The following CSGALNACT1 variants were observed in gnomAD, a reference collection of about 807,000 sequenced individuals.
The protein encoded by CSGALNACT1 is beta4GalNAcT-1.
Under a neutral mutation model 51.0 loss-of-function variants are expected in CSGALNACT1, and 52 were observed. The observed-to-expected ratio is 1.02, with a 90% CI of 0.82 to 1.29. CSGALNACT1 has a LOEUF of 1.29. Among genes scored for constraint, CSGALNACT1 ranks in the 50% most tolerant of loss-of-function variants. CSGALNACT1 has a pLI of 0.00. For synonymous variants in CSGALNACT1, 341 were observed against 254.4 expected (o/e 1.34, Z -3.24); for missense variants, 935 against 679.2 (o/e 1.38, Z -4.19).
intron 2 of CSGALNACT1, among the ~76,000 whole-genome samples, chr8:19,599,073 G>T (rs1317246354): frequency 6.6e-6 from 1 of 151,968 alleles, no homozygotes; most frequent in East Asian, 1.9e-4. Context: ...CTGGGGAGGA[G>T]TGAGCAGAAG....
At chr8:19,753,643 G>C (rs940928317) in intron 1 of CSGALNACT1, among the ~76,000 whole-genome samples, 1 of 152,088 alleles carries the variant, frequency 6.6e-6, no homozygotes, top group African/African-American at 2.4e-5. Context: ...CAAGTAGCTG[G>C]GACCACCACA....
At chr8:19,593,176 G>A (rs1359979954) in intron 2 of CSGALNACT1, among the ~76,000 whole-genome samples, 14 of 152,194 alleles carry the variant, frequency 9.2e-5, no homozygotes, top group Non-Finnish European at 1.5e-5. Context: ...TCAGAAATAC[G>A]TGGGCTTAAT....
chr8:19,435,609 T>C (rs978179935), intron 6 of CSGALNACT1, among the ~76,000 whole-genome samples: 6 of 152,138 alleles, frequency 3.9e-5, no homozygotes, highest in Non-Finnish European at 7.4e-5. Context: ...AGTTCAGTGA[T>C]GGTTCCCAGG....
chr8:19,469,983 G>T (rs1398588955), intron 4 of CSGALNACT1, among the ~76,000 whole-genome samples: 3 of 152,026 alleles, frequency 2.0e-5, no homozygotes, highest in Non-Finnish European at 4.4e-5. Context: ...AATGCAATAG[G>T]GTAGAAATCA....
intron 5 of CSGALNACT1, among the ~76,000 whole-genome samples, chr8:19,442,530 C>T (rs537768166): frequency 3.9e-4 from 53 of 137,602 alleles, no homozygotes; most frequent in South Asian, 3.4e-3. Context: ...TGAGAACACA[C>T]GGACACAGGA....
At chr8:19,414,639 T>C (rs1036408966) in intron 8 of CSGALNACT1, among the ~76,000 whole-genome samples, 1 of 152,162 alleles carries the variant, frequency 6.6e-6, no homozygotes, top group Admixed American at 6.5e-5. Context: ...GGTTTCTTGC[T>C]TTTGTCTGCA....
chr8:19,751,811 C>G (rs1222443535), intron 1 of CSGALNACT1, among the ~76,000 whole-genome samples: 1 of 151,970 alleles, frequency 6.6e-6, no homozygotes, highest in Non-Finnish European at 1.5e-5. Context: ...GATGTGCTTG[C>G]CTCTCCTTCA....
intron 3 of CSGALNACT1, among the ~76,000 whole-genome samples, chr8:19,529,510 A>G (rs924092666): frequency 2.0e-5 from 3 of 152,216 alleles, no homozygotes; most frequent in Non-Finnish European, 4.4e-5. Context: ...TGGGCTCTTA[A>G]TAACATTTCA....
At chr8:19,657,906 T>C (rs1007796410) in intron 1 of CSGALNACT1, among the ~76,000 whole-genome samples, 2 of 152,088 alleles carry the variant, frequency 1.3e-5, no homozygotes, top group African/African-American at 4.8e-5. Context: ...CATTGTTAGA[T>C]GGCCTGGGGG....
intron 9 of CSGALNACT1, among the ~76,000 whole-genome samples, chr8:19,406,840 C>G (rs535580622): frequency 3.3e-5 from 5 of 152,080 alleles, no homozygotes; most frequent in African/African-American, 9.7e-5. Flanking sequence ...TCCCAAGTAG[C>G]TAGGACAACA....
At chr8:19,469,949 A>C (rs1176595923) in intron 4 of CSGALNACT1, among the ~76,000 whole-genome samples, 1 of 152,206 alleles carries the variant, frequency 6.6e-6, no homozygotes, top group Non-Finnish European at 1.5e-5. Flanking sequence ...AAGAAAGGGA[A>C]GGTGCTTGGC....
rs145429171 is a variant in CSGALNACT1, at chr8:19,631,205, T to G, written c.-543-29340A>C. ...GTGCACCTAAGTTTTCAACTTATGT[T>G]GAAATATCAATGATCTTGATTGCTC... On this transcript the variant is annotated intron_variant, in intron 1 of 9. Coordinates refer to the CSGALNACT1 transcript ENST00000332246. Among the ~76,000 whole-genome samples, 751 of 152,274 alleles carry G rather than the reference T, an allele frequency of 4.9e-3. 5 individuals are homozygous for G. Among genetic ancestry groups the G allele is most frequent in the African/African-American group, 0.016 (681 of 41,564 alleles).
At chr8:19,657,625 A>G (rs2058396696) in intron 1 of CSGALNACT1, among the ~76,000 whole-genome samples, 1 of 152,228 alleles carries the variant, frequency 6.6e-6, no homozygotes. Flanking sequence ...CCATGTGAAG[A>G]GAAAAAGTAA....
intron 1 of CSGALNACT1, among the ~76,000 whole-genome samples, chr8:19,674,790 C>G (rs2060051144): frequency 6.6e-6 from 1 of 151,980 alleles, no homozygotes; most frequent in South Asian, 2.1e-4. Context: ...GAAATGATCC[C>G]CTGGAAACGC....
intron 4 of CSGALNACT1, among the ~76,000 whole-genome samples, chr8:19,487,072 CATGCTTTTATATA>C (rs1228923386): frequency 1.3e-5 from 2 of 152,214 alleles, no homozygotes; most frequent in African/African-American, 4.8e-5. Flanking sequence ...GATGCCAACT[CATGCTTTTATATA>C]ATGCTTCCCT....
intron 5 of CSGALNACT1, among the ~76,000 whole-genome samples, chr8:19,447,962 G>C (rs925509771): frequency 3.3e-5 from 5 of 152,234 alleles, no homozygotes; most frequent in Non-Finnish European, 7.3e-5. Context: ...ACATGCTGGT[G>C]GTGGGTACGG....
intron 4 of CSGALNACT1, among the ~76,000 whole-genome samples, chr8:19,479,109 G>A (rs1471735535): frequency 3.9e-5 from 6 of 152,176 alleles, no homozygotes; most frequent in Admixed American, 6.5e-5. Context: ...GTTATGATGC[G>A]ATGAAGCAGA....
rs150471300 is a variant in CSGALNACT1 at position 19,757,805 on chromosome 8, T to C, written c.-297+45A>G. On this transcript the variant is annotated intron_variant, in intron 1 of 1. Coordinates refer to the CSGALNACT1 transcript ENST00000517494. This position sits in a 1 kb window ranked among gnomAD's most constrained non-coding sequence, Gnocchi z 4.0. ...TTCACGCTTTAGTCGCGGTCTCTGC[T>C]GCCCTGGTCAGCTATAACGCCTCCC... 6.6e-6 allele frequency: 1 copy of C among 152,392 alleles called. No homozygotes were observed. Among genetic ancestry groups the C allele is most frequent in the Non-Finnish European group, 1.5e-5 (1 of 68,082 alleles). 9.4% of individuals were successfully genotyped at this position (152,392 alleles called of 1,614,324 possible). A position where few individuals can be genotyped will look rare whatever the true frequency, so the allele number is the denominator to read the frequency against.
intron 4 of CSGALNACT1, chr8:19,495,081 T>A (rs575708162): frequency 2.0e-5 from 3 of 152,338 alleles, no homozygotes; most frequent in African/African-American, 7.2e-5. Flanking sequence ...GATGTTGACT[T>A]CTGATAAGCA....
Sources: allele counts gnomAD v4.1 joint callset (sites outside exome capture counted in the v4.1 genomes callset), GRCh38; gene constraint gnomAD v4.1.1; non-coding constraint Gnocchi (gnomAD v3.1); transcripts MANE v1.5; gene names NCBI Gene and HGNC (gene_info 2026-07-23, HGNC 2026-07-21).